The following ACO2 variants were observed in gnomAD, a reference collection of about 807,000 sequenced individuals.
ACO2 encodes aconitate hydratase, mitochondrial.
A neutral mutation model predicts 84.5 loss-of-function variants in ACO2; 31 were observed. The observed-to-expected ratio is 0.37, with a 90% CI of 0.28 to 0.50. ACO2 has a LOEUF of 0.50. Among genes scored for constraint, ACO2 ranks in the 20% least tolerant of loss-of-function variants. ACO2 has a pLI of 0.97. For synonymous variants in ACO2, 414 were observed against 412.7 expected, an observed-to-expected ratio of 1.00 and a Z score of -0.04; for missense variants, 685 against 1,029.3, an observed-to-expected ratio of 0.67 and a Z score of 4.58.
At position 41,504,179 on chromosome 22, in the gene ACO2, G is replaced by A. The variant is rs536117684; in HGVS notation, c.174-3612G>A. 8.4e-4 allele frequency among the ~76,000 whole-genome samples: 128 copies of A among 152,374 alleles called. 1 individual carries two copies. Among genetic ancestry groups the A allele is most frequent in the African/African-American group, 3.0e-3 (126 of 41,586 alleles). ...TGCAGTGAGCTGAGACCACACCACA[G>A]CACTCCAGCCAGAGTGGTGTCTCTG... On this transcript the variant is annotated intron_variant, in intron 2 of 17. Coordinates refer to ENST00000216254, the MANE Select transcript of ACO2 (RefSeq NM_001098.3).
At chr22:41,516,015 T>A in intron 6 of ACO2, 98 bp downstream of exon 6, 1 of 1,475,634 alleles carries the variant, frequency 6.8e-7, no homozygotes, top group Non-Finnish European at 9.3e-7. Flanking sequence ...CACTTGAGAA[T>A]CTGTCTGTTC....
intron 8 of ACO2, 58 bp from the exon 9 acceptor site, chr22:41,520,113 C>A (rs1312552780): frequency 1.4e-6 from 2 of 1,477,020 alleles, no homozygotes; most frequent in Non-Finnish European, 9.4e-7. Flanking sequence ...AGAGGCTGTC[C>A]CCGCTTCAAG....
intron 1 of ACO2, among the ~76,000 whole-genome samples, chr22:41,478,059 T>A (rs945633048): frequency 1.3e-5 from 2 of 151,872 alleles, no homozygotes; most frequent in Non-Finnish European, 2.9e-5. Context: ...AGCGAGACTC[T>A]GTCTCAAAAA....
At chr22:41,506,959 T>C (rs2066397808) in intron 2 of ACO2, among the ~76,000 whole-genome samples, 1 of 149,666 alleles carries the variant, frequency 6.7e-6, no homozygotes, top group Non-Finnish European at 1.5e-5. Flanking sequence ...GCAGGGAGAG[T>C]GGACCCGCGC....
At chr22:41,503,523 G>A (rs1406350790) in intron 2 of ACO2, among the ~76,000 whole-genome samples, 2 of 151,950 alleles carry the variant, frequency 1.3e-5, no homozygotes, top group African/African-American at 4.8e-5. Context: ...TAGAGAAGGG[G>A]TTTCACCATG....
chr22:41,510,461 G>T (rs1416550320), intron 3 of ACO2, among the ~76,000 whole-genome samples: 1 of 152,246 alleles, frequency 6.6e-6, no homozygotes, highest in Non-Finnish European at 1.5e-5. Flanking sequence ...TCTCTTACCT[G>T]GGGGAACCCA....
At chr22:41,498,328 A>G (rs1204732601) in intron 1 of ACO2, among the ~76,000 whole-genome samples, 3 of 152,152 alleles carry the variant, frequency 2.0e-5, no homozygotes, top group African/African-American at 4.8e-5. Flanking sequence ...AAAAAAAATT[A>G]ACTAATACAG....
intron 1 of ACO2, among the ~76,000 whole-genome samples, chr22:41,477,382 A>G (rs1055440498): frequency 2.6e-5 from 4 of 151,076 alleles, no homozygotes; most frequent in Non-Finnish European, 5.9e-5. Flanking sequence ...GATGGTCTCA[A>G]TCTCCTGACC....
At chr22:41,526,701 G>A in intron 15 of ACO2, 2 of 455,738 alleles carry the variant, frequency 4.4e-6, no homozygotes, top group Non-Finnish European at 7.8e-6. Context: ...TAGGATATCT[G>A]GCCCTAGACA....
At chr22:41,483,104 G>A (rs928358995) in intron 1 of ACO2, among the ~76,000 whole-genome samples, 56 of 152,222 alleles carry the variant, frequency 3.7e-4, no homozygotes, top group African/African-American at 1.3e-3. Context: ...GAAAGTGGGG[G>A]AAAGTGGAGG....
chr22:41,501,849 C>G (rs967470466), intron 2 of ACO2, among the ~76,000 whole-genome samples: 5 of 152,140 alleles, frequency 3.3e-5, no homozygotes, highest in Non-Finnish European at 5.9e-5. Context: ...ATCTGGATCT[C>G]CAGCCTCCAG....
rs1320166916 is a variant in ACO2, at chr22:41,515,634, T to G, written c.684+99T>G. The G allele has an allele frequency of 1.3e-6, 2 of 1,579,368 alleles. No individual in the cohort carries two copies. Among genetic ancestry groups the G allele is most frequent in the African/African-American group, 1.3e-5 (1 of 74,364 alleles). On this transcript the variant is annotated intron_variant, in intron 5 of 17. Transcript: ENST00000216254. This position sits in a 1 kb window ranked among gnomAD's most constrained non-coding sequence, Gnocchi z 5.8. ...GACCCAGGAGGGAAAAGGGAACAAG[T>G]TAGACTCGAATCTTCTGGGAGGGAG...
chr22:41,523,054 A>T, intron 10 of ACO2, 67 bp downstream of exon 10: 2 of 1,593,394 alleles, frequency 1.3e-6, no homozygotes, highest in South Asian at 2.3e-5. Flanking sequence ...AGGCGGCACA[A>T]GCCCAGAGGC....
intron 11 of ACO2, 45 bp downstream of exon 11, chr22:41,523,323 T>C (rs2066542546): frequency 2.0e-6 from 3 of 1,470,752 alleles, no homozygotes; most frequent in Non-Finnish European, 1.9e-6. Flanking sequence ...GTGCACAGGG[T>C]ACAGAGCCCC....
intron 15 of ACO2, 184 bp from the exon 16 acceptor site, chr22:41,527,104 T>C: frequency 1.2e-6 from 1 of 828,964 alleles, no homozygotes; most frequent in Non-Finnish European, 1.8e-6. Flanking sequence ...GGGCCTCGTT[T>C]GGGTCTCATT....
In ACO2 at chr22:41,527,344, C is replaced by T; in HGVS notation, c.2010C>T (p.Ser670=). 6.2e-7 allele frequency: 1 copy of T among 1,614,144 alleles called. No homozygotes were observed. ...ACGAGAACTACGGCGAGGGCTCGAGCCGGGAGCATGCAGCTCTGGAGCCTC... is the reference window on the plus strand; with the variant it reads ...ACGAGAACTACGGCGAGGGCTCGAGTCGGGAGCATGCAGCTCTGGAGCCTC... The part of the protein sequence containing the change: ...IGDENYGEGS[S]REHAALEPRH... The change falls in exon 16 of 18, where the codon AGC becomes AGT. Residue 670 remains serine, a synonymous_variant. Transcript: ENST00000216254.
At chr22:41,499,258 A>C (rs1252875269) in intron 1 of ACO2, among the ~76,000 whole-genome samples, 1 of 152,180 alleles carries the variant, frequency 6.6e-6, no homozygotes, top group Admixed American at 6.6e-5. Flanking sequence ...GATGAGTAAG[A>C]TAAATAAGGC....
chr22:41,492,349 A>C (rs1254684797), intron 1 of ACO2, among the ~76,000 whole-genome samples: 1 of 152,176 alleles, frequency 6.6e-6, no homozygotes, highest in Non-Finnish European at 1.5e-5. Flanking sequence ...TTTATAAAGG[A>C]ATTTAGGCCG....
chr22:41,486,632 G>A (rs1222759578), intron 1 of ACO2, among the ~76,000 whole-genome samples: 4 of 151,684 alleles, frequency 2.6e-5, no homozygotes, highest in African/African-American at 7.3e-5. Flanking sequence ...CACCGTGCCC[G>A]GCCAATTTTT....
Sources: gnomAD v4.1 joint callset for allele counts (sites outside exome capture counted in the v4.1 genomes callset) on GRCh38, gnomAD v4.1.1 for gene constraint, Gnocchi (gnomAD v3.1) non-coding constraint, MANE v1.5 for transcripts, NCBI Gene and HGNC (gene_info 2026-07-23, HGNC 2026-07-21) for gene names.